The following CKAP4 variants were observed in gnomAD, a reference collection of about 807,000 sequenced individuals.
The protein encoded by CKAP4 is cytoskeleton associated protein 4.
In CKAP4, 20 loss-of-function variants were observed where a neutral mutation model predicts 24.4. The observed-to-expected ratio is 0.82, with a 90% confidence interval of 0.58 to 1.19. The LOEUF (loss-of-function observed/expected upper bound fraction) is 1.19. CKAP4 is among the 50% of genes most tolerant of loss of function. The pLI is 0.00. For missense variants in CKAP4, 744 were observed against 765.3 expected, an observed-to-expected ratio of 0.97 and a Z score of 0.33; for synonymous variants, 378 against 351.7, an observed-to-expected ratio of 1.07 and a Z score of -0.84.
At chr12:106,240,839 T>C (rs558556711) in intron 1 of CKAP4, among the ~76,000 whole-genome samples, 43 of 152,260 alleles carry the variant, frequency 2.8e-4, no homozygotes, top group Non-Finnish European at 5.4e-4. Flanking sequence ...AGTGGCATTT[T>C]AAAAGAAGGA....
chr12:106,247,171 G>A lies in CKAP4; in HGVS notation c.483+198C>T, dbSNP rs941186134. On this transcript the variant is annotated intron_variant, in intron 1 of 1. Coordinates refer to ENST00000378026, the MANE Select transcript of CKAP4 (RefSeq NM_006825.4). The surrounding 1 kb of genome is among the most constrained non-coding windows in gnomAD (Gnocchi z 4.5). The stretch of plus-strand genomic sequence containing the variant: ...TCCTCCGCAGCCATTAACAAAGGGG[G>A]TCTGGGGACTGCCTCGGAACTAGGG... 9.2e-5 allele frequency among the ~76,000 whole-genome samples: 14 copies of A among 152,154 alleles called. No homozygotes were observed. The highest frequency in any genetic ancestry group is 1.5e-4 in the Non-Finnish European group (10 of 68,012).
chr12:106,239,106 G>T lies in CKAP4; in HGVS notation c.1727C>A (p.Ser576Ter). ...CAGGTCATCTAGTAAACCCTTGGCT[G>T]ATTCCAGATTGTTCTCGTTGGTTTC... ...KIETNENNLE[S>*]AKGLLDDLRN... Residue 576 changes from serine (S) to a stop codon, truncating the protein, a stop_gained, in exon 2 of 2, where the codon TCA becomes TAA. Coordinates refer to ENST00000378026, the MANE Select transcript of CKAP4 (RefSeq NM_006825.4). LOFTEE classifies it high-confidence loss of function. This position sits in a 1 kb window ranked among gnomAD's most constrained non-coding sequence, Gnocchi z 4.9. 1 of 1,613,964 alleles carries T rather than the reference G, an allele frequency of 6.2e-7. No individual in the cohort carries two copies. Among genetic ancestry groups the T allele is most frequent in the East Asian group, 2.2e-5 (1 of 44,890 alleles).
chr12:106,247,890 C>T lies in CKAP4; in HGVS notation c.-39G>A. 3 of 1,013,102 alleles carry T rather than the reference C, an allele frequency of 3.0e-6. No homozygotes were observed. The highest frequency in any genetic ancestry group is 1.7e-5 in the African/African-American group (1 of 57,238). The allele number at this position is 1,013,102 out of a possible 1,614,324, so 62.8% of individuals were successfully genotyped here. On this transcript the variant is annotated 5_prime_UTR_variant, in exon 1 of 2. Transcript: ENST00000378026. This position sits in a 1 kb window ranked among gnomAD's most constrained non-coding sequence, Gnocchi z 4.5. ...GCGGCTCGGGCCGCGGGCTGGGAGG[C>T]GAGCGAGCGCGGCGCGCGGCCCGGG...
chr12:106,246,902 T>A (rs1468064837), intron 1 of CKAP4: 1 of 156,122 alleles, frequency 6.4e-6, no homozygotes, highest in East Asian at 1.9e-4. Flanking sequence ...CCCGCTCGGA[T>A]GTCTCCCACA....
At chr12:106,240,529 C>G (rs1592897018) in intron 1 of CKAP4, among the ~76,000 whole-genome samples, 180 bp from the exon 2 acceptor site, 1 of 151,988 alleles carries the variant, frequency 6.6e-6, no homozygotes, top group Non-Finnish European at 1.5e-5. Context: ...ATCCTAGGGT[C>G]CCCTCCTAGT....
intron 1 of CKAP4, among the ~76,000 whole-genome samples, chr12:106,243,646 A>G (rs2033985159): frequency 6.6e-6 from 1 of 152,170 alleles, no homozygotes. Flanking sequence ...CCCAGGACCC[A>G]CTTGTGCCTG....
In CKAP4 at chr12:106,238,337, C is replaced by G. The variant is rs1170529652; in HGVS notation, c.*687G>C. On this transcript the variant is annotated 3_prime_UTR_variant, in exon 2 of 2. Transcript: ENST00000378026. Reference sequence around the variant, plus strand: ...ATGGGCCGGCAGTGGGGACAGAGGGCACCGGGACTCTGCTGGGTGTAGTGC... The same window carrying G: ...ATGGGCCGGCAGTGGGGACAGAGGGGACCGGGACTCTGCTGGGTGTAGTGC... The G allele has an allele frequency of 6.5e-6, 1 of 152,734 alleles. No individual in the cohort carries two copies. The highest frequency in any genetic ancestry group is 1.5e-5 in the Non-Finnish European group (1 of 68,126). 9.5% of individuals were successfully genotyped at this position (152,734 alleles called of 1,614,324 possible). A position where few individuals can be genotyped will look rare whatever the true frequency, so the allele number is the denominator to read the frequency against.
rs373076303 is a variant in CKAP4, at chr12:106,239,004, G to A, written c.*20C>T. ...ATGAGAAATTGGACTTTAAATCCGC[G>A]CCCTGCACACGCAATTCATTTAGAC... On this transcript the variant is annotated 3_prime_UTR_variant, in exon 2 of 2. Coordinates refer to ENST00000378026, the MANE Select transcript of CKAP4 (RefSeq NM_006825.4). This position sits in a 1 kb window ranked among gnomAD's most constrained non-coding sequence, Gnocchi z 4.9. 6.7e-5 allele frequency: 107 copies of A among 1,603,408 alleles called. No individual in the cohort carries two copies. The highest frequency in any genetic ancestry group is 8.3e-5 in the Non-Finnish European group (97 of 1,171,766).
At chr12:106,244,597 C>T (rs1028662227) in intron 1 of CKAP4, among the ~76,000 whole-genome samples, 19 of 152,290 alleles carry the variant, frequency 1.2e-4, no homozygotes, top group African/African-American at 4.1e-4. Context: ...GCCTGAGCAA[C>T]ACAGCAAGAC....
At chr12:106,246,711 C>G (rs2034013345) in intron 1 of CKAP4, 1 of 152,542 alleles carries the variant, frequency 6.6e-6, no homozygotes, top group Non-Finnish European at 1.5e-5. Context: ...CACTGCACTC[C>G]AGCCTGGGCG....
Position 106,240,154 on chromosome 12 carries a change from C to T in CKAP4, c.679G>A (p.Glu227Lys), listed in dbSNP as rs1326060181. 1 of 1,614,092 alleles carries T rather than the reference C, an allele frequency of 6.2e-7. No individual in the cohort carries two copies. Among genetic ancestry groups the T allele is most frequent in the Non-Finnish European group, 8.5e-7 (1 of 1,180,040 alleles). The change falls in exon 2 of 2, where the codon GAG becomes AAG. Residue 227 changes from glutamate to lysine, a missense_variant. Physicochemically the swap from Glu to Lys is moderately conservative, Grantham distance 56. Around this residue, in one of 3 missense-constraint regions of CKAP4, gnomAD observed 43 missense variants for 76.4 expected, o/e 0.56. Transcript: ENST00000378026. Reference protein sequence around the residue: ...DGIHVVKDARERDFTSLENTV... With the variant: ...DGIHVVKDARKRDFTSLENTV... ...TTCTCCAGGGACGTGAAGTCCCGCTCCCGGGCGTCCTTCACCACATGGATC... is the reference window on the plus strand; with the variant it reads ...TTCTCCAGGGACGTGAAGTCCCGCTTCCGGGCGTCCTTCACCACATGGATC...
At chr12:106,243,421 C>G (rs1353011726) in intron 1 of CKAP4, among the ~76,000 whole-genome samples, 1 of 152,194 alleles carries the variant, frequency 6.6e-6, no homozygotes, top group Non-Finnish European at 1.5e-5. Context: ...ACTGCCAACT[C>G]CTGAAGCCCT....
In CKAP4 at chr12:106,247,935, C is replaced by CG; in HGVS notation, c.-85dup. On this transcript the variant is annotated 5_prime_UTR_variant, in exon 1 of 2. Transcript: ENST00000378026. This position sits in a 1 kb window ranked among gnomAD's most constrained non-coding sequence, Gnocchi z 4.5. ...CCCGGGAAACTTGCAGGGGCTCCCC[C>CG]GGGACTGGGCGAGCGGCACGCGGGC... 1 of 847,536 alleles carries CG rather than the reference C, an allele frequency of 1.2e-6. No homozygotes were observed. Among genetic ancestry groups the CG allele is most frequent in the Non-Finnish European group, 1.4e-6 (1 of 700,282 alleles). 52.5% of individuals were successfully genotyped at this position (847,536 alleles called of 1,614,324 possible).
rs576651452 is a variant in CKAP4, at chr12:106,240,472, T to C, written c.484-123A>G. On this transcript the variant is annotated intron_variant, in intron 1 of 1. Transcript: ENST00000378026. The stretch of plus-strand genomic sequence containing the variant: ...TCCAGAATGTCACCACAATTTTCCT[T>C]TGGAGAAACATCCTTCCACATATAG... 932 of 1,129,452 alleles carry C rather than the reference T, an allele frequency of 8.3e-4. 1 individual carries two copies. The highest frequency in any genetic ancestry group is 8.0e-3 in the Middle Eastern group (26 of 3,248). 70.0% of individuals were successfully genotyped at this position (1,129,452 alleles called of 1,614,324 possible). A position where few individuals can be genotyped will look rare whatever the true frequency, so the allele number is the denominator to read the frequency against.
At chr12:106,246,021 T>C (rs1330842747) in intron 1 of CKAP4, among the ~76,000 whole-genome samples, 2 of 152,150 alleles carry the variant, frequency 1.3e-5, no homozygotes, top group African/African-American at 4.8e-5. Flanking sequence ...AGTGGCGGGA[T>C]TTTTTGTTTC....
At chr12:106,241,331 CTTT>C (rs34135868) in intron 1 of CKAP4, among the ~76,000 whole-genome samples, 3 of 127,508 alleles carry the variant, frequency 2.4e-5, no homozygotes, top group South Asian at 2.5e-4. Context: ...GCCAGGGATT[CTTT>C]TTTTTTTTTT....
intron 1 of CKAP4, among the ~76,000 whole-genome samples, chr12:106,243,353 T>C (rs772941768): frequency 1.3e-5 from 2 of 152,220 alleles, no homozygotes; most frequent in Non-Finnish European, 2.9e-5. Flanking sequence ...TCAACCAGTA[T>C]GTGATATGCT....
At chr12:106,245,886 C>G (rs2034005674) in intron 1 of CKAP4, among the ~76,000 whole-genome samples, 2 of 152,042 alleles carry the variant, frequency 1.3e-5, no homozygotes, top group Admixed American at 1.3e-4. Context: ...TGAGCCACCA[C>G]GCCCGGCCGT....
chr12:106,240,477 G>T, intron 1 of CKAP4, 128 bp from the exon 2 acceptor site: 1 of 1,057,954 alleles, frequency 9.5e-7, no homozygotes, highest in Non-Finnish European at 1.3e-6. Context: ...TTCCTTTGGA[G>T]AAACATCCTT....
Sources: gnomAD v4.1 joint callset for allele counts (sites outside exome capture counted in the v4.1 genomes callset) on GRCh38, gnomAD v4.1.1 for gene constraint, gnomAD v4.1.1 regional missense constraint, Gnocchi (gnomAD v3.1) non-coding constraint, MANE v1.5 for transcripts, NCBI Gene and HGNC (gene_info 2026-07-23, HGNC 2026-07-21) for gene names.